The following TIAM2 variants were observed in gnomAD, a reference collection of about 807,000 sequenced individuals.
TIAM2 encodes TIAM Rac1 associated GEF 2, also known as rho guanine nucleotide exchange factor TIAM2.
In TIAM2, 80 loss-of-function variants were observed where a neutral mutation model predicts 152.9. That is an observed-to-expected ratio of 0.52 (90% confidence interval 0.44 to 0.63). TIAM2 has a LOEUF of 0.63. Among genes scored for constraint, TIAM2 ranks in the 30% least tolerant of loss-of-function variants. The probability of loss-of-function intolerance (pLI) is 0.00; values close to 1 mark genes in which losing one functional copy is unlikely to be tolerated. For missense variants in TIAM2, 1,965 were observed against 2,120.1 expected (o/e 0.93, Z 1.44); for synonymous variants, 804 against 838.0 (o/e 0.96, Z 0.70).
intron 1 of TIAM2, among the ~76,000 whole-genome samples, chr6:155,029,876 T>G (rs1440073589): frequency 6.6e-6 from 1 of 151,558 alleles, no homozygotes; most frequent in Non-Finnish European, 1.5e-5. Flanking sequence ...CACTGCAACC[T>G]CCGCCTCCCA....
intron 2 of TIAM2, among the ~76,000 whole-genome samples, chr6:155,107,486 A>T (rs929787524): frequency 6.6e-6 from 1 of 152,212 alleles, no homozygotes; most frequent in Admixed American, 6.5e-5. Context: ...ACCACTTCTC[A>T]GTGTGATCAT....
intron 1 of TIAM2, among the ~76,000 whole-genome samples, chr6:155,017,227 T>C (rs1315409385): frequency 6.6e-6 from 1 of 152,114 alleles, no homozygotes; most frequent in Non-Finnish European, 1.5e-5. Context: ...TTCTATAGGC[T>C]AATAAGGCTT....
chr6:155,073,484 A>G (rs1040233765), intron 1 of TIAM2, among the ~76,000 whole-genome samples: 2 of 152,130 alleles, frequency 1.3e-5, no homozygotes, highest in Non-Finnish European at 2.9e-5. Context: ...GTACTTTTAT[A>G]GAAGGGCCTG....
chr6:155,029,443 C>CTATAGTATATA (rs1554225501), intron 1 of TIAM2, among the ~76,000 whole-genome samples: 2 of 6,646 alleles, frequency 3.0e-4, no homozygotes, highest in Non-Finnish European at 5.8e-4. Context: ...ATATATTATA[C>CTATAGTATATA]TATAGTATAT....
Position 155,070,209 on chromosome 6 carries a change from C to CTTTTTTTTTT in TIAM2, c.-208-20060_-208-20051dup, listed in dbSNP as rs559307371. Among the ~76,000 whole-genome samples, 70 of 44,146 alleles carry CTTTTTTTTTT rather than the reference C, an allele frequency of 1.6e-3. 10 individuals are homozygous for CTTTTTTTTTT. Among genetic ancestry groups the CTTTTTTTTTT allele is most frequent in the African/African-American group, 8.2e-3 (68 of 8,322 alleles). The allele number at this position is 44,146 out of a possible 152,430, so 29.0% of individuals were successfully genotyped here. On this transcript the variant is annotated intron_variant, in intron 1 of 26. Transcript: ENST00000682666. Reference sequence around the variant, plus strand: ...GTATGAGCCACCGCGCCTGGCCAGACTTTTTTTTTTTTTTTTTTTTTTTTT... The same window carrying CTTTTTTTTTT: ...GTATGAGCCACCGCGCCTGGCCAGACTTTTTTTTTTTTTTTTTTTTTTTTTTTTTTTTTTT...
intron 9 of TIAM2, among the ~76,000 whole-genome samples, chr6:155,175,524 A>C (rs1366953260): frequency 2.0e-5 from 3 of 152,214 alleles, no homozygotes; most frequent in African/African-American, 7.2e-5. Flanking sequence ...TGCTCACAAA[A>C]ACTTAAGTAA....
chr6:155,028,207 T>C (rs1056570352), intron 1 of TIAM2, among the ~76,000 whole-genome samples: 13 of 128,582 alleles, frequency 1.0e-4, no homozygotes, highest in African/African-American at 3.4e-4. Context: ...ACATATAATA[T>C]ATGTACTGTG....
intron 1 of TIAM2, among the ~76,000 whole-genome samples, chr6:155,053,207 G>A (rs1444193140): frequency 6.6e-6 from 1 of 152,200 alleles, no homozygotes. Context: ...AGACATTACA[G>A]TAAAGTATAT....
At chr6:155,225,827 C>G (rs887520188) in intron 15 of TIAM2, among the ~76,000 whole-genome samples, 7 of 152,060 alleles carry the variant, frequency 4.6e-5, no homozygotes, top group African/African-American at 7.2e-5. Context: ...ATTTTGAGAA[C>G]CTGTTGATGA....
At position 155,203,084 on chromosome 6, in the gene TIAM2, A is replaced by G. The variant is rs527241902; in HGVS notation, c.3065-8120A>G. 3.0e-3 allele frequency among the ~76,000 whole-genome samples: 455 copies of G among 150,788 alleles called. 2 individuals carry two copies. The highest frequency in any genetic ancestry group is 4.9e-3 in the Non-Finnish European group (334 of 67,784). On this transcript the variant is annotated intron_variant, in intron 14 of 26. Coordinates refer to ENST00000682666, the MANE Select transcript of TIAM2 (RefSeq NM_012454.4). The stretch of plus-strand genomic sequence containing the variant: ...AAAAAAAAAAAAGAGAAAGATTTGC[A>G]AAGATTTTCTTTGCAAATGTTCAAT...
intron 14 of TIAM2, among the ~76,000 whole-genome samples, chr6:155,207,390 G>A (rs1271790797): frequency 1.3e-5 from 2 of 152,194 alleles, no homozygotes; most frequent in East Asian, 1.9e-4. Flanking sequence ...TGTCCAGCTC[G>A]GATTCTCCTG....
At chr6:155,240,774 G>T (rs1318421863) in intron 16 of TIAM2, 65 bp downstream of exon 16, 18 of 1,525,290 alleles carry the variant, frequency 1.2e-5, no homozygotes. Context: ...TATGCTGGCA[G>T]AGGTCCCCAG....
At chr6:155,046,242 T>C (rs1008152736) in intron 1 of TIAM2, among the ~76,000 whole-genome samples, 4 of 152,080 alleles carry the variant, frequency 2.6e-5, no homozygotes, top group Non-Finnish European at 2.9e-5. Flanking sequence ...TTTCCAGCAT[T>C]GCTGTTTGTT....
intron 1 of TIAM2, among the ~76,000 whole-genome samples, chr6:155,013,001 C>T (rs140243463): frequency 1.7e-4 from 26 of 152,236 alleles, no homozygotes; most frequent in Non-Finnish European, 2.4e-4. Context: ...GTTTAAGTAA[C>T]CTGCCCAGTT....
chr6:155,079,418 T>C (rs1051603433), intron 1 of TIAM2, among the ~76,000 whole-genome samples: 1 of 152,226 alleles, frequency 6.6e-6, no homozygotes, highest in African/African-American at 2.4e-5. Context: ...CTTTGCTGTC[T>C]TTTTTCCCCT....
chr6:155,236,707 A>C (rs912478591), intron 15 of TIAM2, among the ~76,000 whole-genome samples: 4 of 152,196 alleles, frequency 2.6e-5, no homozygotes, highest in Admixed American at 2.0e-4. Context: ...CGTGGATGGC[A>C]GCAGGCAAAG....
At chr6:155,177,926 G>A (rs1780793285) in intron 10 of TIAM2, among the ~76,000 whole-genome samples, 1 of 152,122 alleles carries the variant, frequency 6.6e-6, no homozygotes, top group Non-Finnish European at 1.5e-5. Context: ...TGTAATCCCA[G>A]CACTTGGGGA....
chr6:155,071,814 T>G (rs1166247995), intron 1 of TIAM2, among the ~76,000 whole-genome samples: 1 of 151,294 alleles, frequency 6.6e-6, no homozygotes, highest in Non-Finnish European at 1.5e-5. Flanking sequence ...GAGAATCACT[T>G]GAACCTGGGA....
chr6:155,234,888 C>T (rs1782666309), intron 15 of TIAM2, among the ~76,000 whole-genome samples: 2 of 152,246 alleles, frequency 1.3e-5, no homozygotes, highest in African/African-American at 4.8e-5. Flanking sequence ...GCAGAGGCAG[C>T]AGGAGGCGTG....
Sources: allele counts gnomAD v4.1 joint callset (sites outside exome capture counted in the v4.1 genomes callset), GRCh38; gene constraint gnomAD v4.1.1; transcripts MANE v1.5; gene names NCBI Gene and HGNC (gene_info 2026-07-23, HGNC 2026-07-21).